OLFM3: variants seen among roughly 807,000 people sequenced by gnomAD.
OLFM3 encodes the protein olfactomedin 3, also known as noelin-3.
OLFM3 carries 20 observed loss-of-function variants against 48.6 expected under a neutral mutation model. That is an observed-to-expected ratio of 0.41 (90% CI 0.29 to 0.60). The LOEUF (loss-of-function observed/expected upper bound fraction) is 0.60, where lower values mean the gene tolerates loss of function less well. OLFM3 is among the 20% of genes least tolerant of loss of function. The pLI, the probability that OLFM3 is intolerant of heterozygous loss-of-function variation, is 0.28. For missense variants in OLFM3, 437 were observed against 544.3 expected (o/e 0.80, Z 1.96); for synonymous variants, 222 against 198.1 (o/e 1.12, Z -1.01).
intron 1 of OLFM3, among the ~76,000 whole-genome samples, chr1:101,887,256 C>T (rs2100999395): frequency 6.6e-6 from 1 of 151,122 alleles, no homozygotes; most frequent in East Asian, 2.0e-4. Context: ...TGGCAGAAAG[C>T]ATAATAAACA....
chr1:101,891,514 A>C (rs1435266087), intron 1 of OLFM3, among the ~76,000 whole-genome samples: 2 of 151,908 alleles, frequency 1.3e-5, no homozygotes, highest in Non-Finnish European at 2.9e-5. Context: ...TACTCATAAG[A>C]AGCATGGTTT....
At chr1:101,934,859 C>T (rs749177896) in intron 1 of OLFM3, among the ~76,000 whole-genome samples, 2 of 151,884 alleles carry the variant, frequency 1.3e-5, no homozygotes, top group Non-Finnish European at 1.5e-5. Flanking sequence ...AACATATACC[C>T]GAATGACTTT....
intron 3 of OLFM3, among the ~76,000 whole-genome samples, chr1:101,828,022 C>CTGTCTGTCTG (rs1557691307): frequency 2.2e-5 from 2 of 91,286 alleles, no homozygotes; most frequent in South Asian, 3.2e-4. Flanking sequence ...CTCTCTCTCT[C>CTGTCTGTCTG]TCTCTCTCTC....
At chr1:101,830,438 G>C (rs1437152997) in intron 3 of OLFM3, among the ~76,000 whole-genome samples, 1 of 152,072 alleles carries the variant, frequency 6.6e-6, no homozygotes, top group African/African-American at 2.4e-5. Flanking sequence ...AATTTCCCTT[G>C]TTTCAGAAAC....
At chr1:101,932,728 T>C (rs1212783596) in intron 1 of OLFM3, among the ~76,000 whole-genome samples, 1 of 152,066 alleles carries the variant, frequency 6.6e-6, no homozygotes, top group African/African-American at 2.4e-5. Context: ...GCATAATAAC[T>C]CTGGTAACTC....
At chr1:101,989,408 A>G (rs575733399) in intron 1 of OLFM3, among the ~76,000 whole-genome samples, 1 of 152,166 alleles carries the variant, frequency 6.6e-6, no homozygotes, top group African/African-American at 2.4e-5. Context: ...GTAGATAGAG[A>G]TGGTCTTATG....
intron 4 of OLFM3, 76 bp downstream of exon 4, chr1:101,824,950 T>A: frequency 1.6e-6 from 2 of 1,276,786 alleles, no homozygotes. Flanking sequence ...TATGACTCTT[T>A]ATAAAACGTA....
chr1:101,814,266 G>T (rs995391342), intron 4 of OLFM3, among the ~76,000 whole-genome samples: 64 of 139,202 alleles, frequency 4.6e-4, no homozygotes, highest in African/African-American at 1.5e-3. Context: ...CCCAGCTAAG[G>T]TTTTTTTTTT....
intron 1 of OLFM3, among the ~76,000 whole-genome samples, chr1:101,877,111 A>T (rs1657332273): frequency 6.6e-6 from 1 of 151,564 alleles, no homozygotes; most frequent in African/African-American, 2.4e-5. Context: ...TGGTATGTAA[A>T]TATGCTGTAA....
At chr1:101,990,713 C>A (rs192845009) in intron 1 of OLFM3, among the ~76,000 whole-genome samples, 360 of 151,870 alleles carry the variant, frequency 2.4e-3, no homozygotes, top group African/African-American at 8.6e-3. Context: ...TGGCCGGGCG[C>A]GGTGGCTCAC....
At chr1:101,815,932 C>T (rs1215601830) in intron 4 of OLFM3, among the ~76,000 whole-genome samples, 1 of 152,104 alleles carries the variant, frequency 6.6e-6, no homozygotes, top group Non-Finnish European at 1.5e-5. Context: ...AGGTATCTAG[C>T]ACAGAACTCT....
chr1:101,821,746 C>T (rs1654616177), intron 4 of OLFM3, among the ~76,000 whole-genome samples: 1 of 152,044 alleles, frequency 6.6e-6, no homozygotes, highest in South Asian at 2.1e-4. Flanking sequence ...AATGTGGGAA[C>T]TATTTTCAGT....
At chr1:101,936,231 CA>C (rs1010005266) in intron 1 of OLFM3, among the ~76,000 whole-genome samples, 1 of 152,060 alleles carries the variant, frequency 6.6e-6, no homozygotes, top group Non-Finnish European at 1.5e-5. Context: ...TAGTCTTTGC[CA>C]ACAAGCTCCT....
At chr1:101,971,468 A>T (rs1169669675) in intron 1 of OLFM3, among the ~76,000 whole-genome samples, 1 of 152,152 alleles carries the variant, frequency 6.6e-6, no homozygotes, top group Non-Finnish European at 1.5e-5. Context: ...TGGTAAACTC[A>T]TGTTCTTGTT....
chr1:101,828,596 A>G (rs370671064), intron 3 of OLFM3, among the ~76,000 whole-genome samples: 2 of 152,112 alleles, frequency 1.3e-5, no homozygotes, highest in South Asian at 4.1e-4. Flanking sequence ...TCAATTTTGT[A>G]TCCTTTTTGT....
Position 101,837,048 on chromosome 1 carries a change from T to C in OLFM3, c.70-23A>G, listed in dbSNP as rs768748436. On this transcript the variant is annotated intron_variant, in intron 1 of 5. Coordinates refer to ENST00000370103, the MANE Select transcript of OLFM3 (RefSeq NM_058170.4). ...AGTCTGAGGAAACCAAAGGGAAACA[T>C]AAAACACAGACTCCTGTTATAGGAT... is the stretch of plus-strand genomic sequence containing the variant. 3 of 1,605,312 alleles carry C rather than the reference T, an allele frequency of 1.9e-6. No homozygotes were observed. In the Admixed American group the frequency reaches 5.1e-5, roughly 27 times the overall value.
chr1:101,921,671 T>A (rs1659099258), intron 1 of OLFM3, among the ~76,000 whole-genome samples: 1 of 152,218 alleles, frequency 6.6e-6, no homozygotes, highest in African/African-American at 2.4e-5. Flanking sequence ...ACAACAAAAT[T>A]TTTTGAGCAT....
At chr1:101,839,757 G>C (rs1242766708) in intron 1 of OLFM3, among the ~76,000 whole-genome samples, 2 of 152,142 alleles carry the variant, frequency 1.3e-5, no homozygotes, top group African/African-American at 4.8e-5. Context: ...GGTGAAGAGG[G>C]TTTAATGTTC....
chr1:101,861,811 C>G (rs914380233), intron 1 of OLFM3, among the ~76,000 whole-genome samples: 2 of 152,118 alleles, frequency 1.3e-5, no homozygotes, highest in African/African-American at 2.4e-5. Flanking sequence ...TACTAATCTT[C>G]AAATTAGAGA....
Sources: allele counts gnomAD v4.1 joint callset (sites outside exome capture counted in the v4.1 genomes callset), GRCh38; gene constraint gnomAD v4.1.1; transcripts MANE v1.5; gene names NCBI Gene and HGNC (gene_info 2026-07-23, HGNC 2026-07-21).